Variants in ELP1 observed in about 807,000 individuals in gnomAD.
The protein encoded by ELP1 is elongator acetyltransferase complex subunit 1.
Under a neutral mutation model 183.2 loss-of-function variants are expected in ELP1, and 131 were observed. That is an observed-to-expected ratio of 0.72 (90% CI 0.62 to 0.83). The LOEUF (loss-of-function observed/expected upper bound fraction) is 0.83, where lower values mean the gene tolerates loss of function less well. Ranked by LOEUF, ELP1 falls within the 40% of genes least tolerant of loss-of-function variation. The pLI is 0.00. For synonymous variants in ELP1, 555 were observed against 569.0 expected (o/e 0.98, Z 0.35); for missense variants, 1,550 against 1,594.9 (o/e 0.97, Z 0.48).
intron 8 of ELP1, 43 bp downstream of exon 8, chr9:108,918,768 C>T (rs1254710562): frequency 1.4e-6 from 2 of 1,389,770 alleles, no homozygotes; most frequent in African/African-American, 1.4e-5. Flanking sequence ...ACCACCTCTA[C>T]TCTGGTTCCA....
intron 18 of ELP1, 99 bp from the exon 19 acceptor site, chr9:108,900,474 C>T: frequency 1.2e-6 from 1 of 859,550 alleles, no homozygotes; most frequent in Non-Finnish European, 2.0e-6. Flanking sequence ...TAGAAGAGAA[C>T]AAATAACAAC....
chr9:108,886,102 G>C (rs1262234529), intron 29 of ELP1, among the ~76,000 whole-genome samples: 2 of 152,172 alleles, frequency 1.3e-5, no homozygotes, highest in Admixed American at 1.3e-4. Context: ...GTCCTTGACT[G>C]CAACTCCCTT....
chr9:108,922,798 C>CAT lies in ELP1; in HGVS notation c.552+42_552+43dup, dbSNP rs3833703. On this transcript the variant is annotated intron_variant, in intron 6 of 36. Coordinates refer to ENST00000374647, the MANE Select transcript of ELP1 (RefSeq NM_003640.5). ...GAGTTCCTGGTGGGTGGCAAACTTA[C>CAT]ATTTGTTCCAGTCAAGGCTTTTTAT... 129,011 of 1,465,434 alleles carry CAT rather than the reference C, an allele frequency of 0.088. 7,502 individuals carry two copies. Among genetic ancestry groups the CAT allele is most frequent in the African/African-American group, 0.24 (17,023 of 71,364 alleles). 90.8% of individuals were successfully genotyped at this position (1,465,434 alleles called of 1,614,324 possible).
intron 13 of ELP1, among the ~76,000 whole-genome samples, chr9:108,906,846 TC>T (rs1486312126): frequency 6.6e-6 from 1 of 152,206 alleles, no homozygotes; most frequent in Admixed American, 6.5e-5. Flanking sequence ...GGCAGGTATG[TC>T]ACTTGCAGTA....
chr9:108,903,233 C>A (rs1828879278), intron 15 of ELP1, among the ~76,000 whole-genome samples: 1 of 152,084 alleles, frequency 6.6e-6, no homozygotes, highest in Non-Finnish European at 1.5e-5. Context: ...CACCCTCCCC[C>A]ACCCCACGAC....
chr9:108,900,030 G>T, intron 19 of ELP1, 135 bp from the exon 20 acceptor site: 2 of 862,490 alleles, frequency 2.3e-6, no homozygotes, highest in Non-Finnish European at 3.8e-6. Context: ...GCAGAATCTT[G>T]TTGTTCTCTA....
intron 31 of ELP1, 95 bp from the exon 32 acceptor site, chr9:108,880,260 C>T: frequency 1.2e-6 from 1 of 814,068 alleles, no homozygotes; most frequent in Non-Finnish European, 2.1e-6. Flanking sequence ...TAAAATTCAG[C>T]AAAAAGAAAG....
intron 25 of ELP1, among the ~76,000 whole-genome samples, chr9:108,895,879 C>T (rs866835195): frequency 2.6e-4 from 39 of 152,168 alleles, no homozygotes; most frequent in African/African-American, 9.2e-4. Flanking sequence ...GAGAAAGAAC[C>T]GGAGTGGAAC....
At position 108,911,064 on chromosome 9, in the gene ELP1, T is replaced by C. The variant is rs748415692; in HGVS notation, c.1306A>G (p.Ser436Gly). The change falls in exon 12 of 37, where the codon AGT (serine) becomes GGT (glycine). Residue 436 changes from serine (S) to glycine (G), a missense_variant. Physicochemically the swap from Ser to Gly is moderately conservative, Grantham distance 56. Transcript: ENST00000374647. ...QVTFLAHPQK[S>G]NDLAVLDASN... ...GCATCTAGAACAGCAAGGTCATTAC[T>C]CTTTTGAGGGTGTGCTAAGAATGTG... is the stretch of plus-strand genomic sequence containing the variant. The C allele has an allele frequency of 6.2e-7, 1 of 1,614,174 alleles. No homozygotes were observed. Among genetic ancestry groups the C allele is most frequent in the Non-Finnish European group, 8.5e-7 (1 of 1,180,018 alleles).
intron 8 of ELP1, 139 bp downstream of exon 8, chr9:108,918,672 T>G: frequency 1.5e-6 from 1 of 688,824 alleles, no homozygotes; most frequent in East Asian, 2.6e-5. Context: ...GAAACAAAGA[T>G]AGATACAGCC....
intron 5 of ELP1, among the ~76,000 whole-genome samples, chr9:108,925,463 T>A (rs994189795): frequency 6.6e-6 from 1 of 152,054 alleles, no homozygotes; most frequent in African/African-American, 2.4e-5. Context: ...CCCACCCTTA[T>A]CCCTCACCTA....
chr9:108,916,847 G>A (rs756777837), intron 9 of ELP1, among the ~76,000 whole-genome samples: 1 of 152,098 alleles, frequency 6.6e-6, no homozygotes, highest in East Asian at 1.9e-4. Flanking sequence ...CTCAACTTAG[G>A]ATGTTTAAAA....
chr9:108,876,731 CTTT>C (rs35897844), intron 35 of ELP1, among the ~76,000 whole-genome samples: 11 of 138,392 alleles, frequency 7.9e-5, no homozygotes, highest in East Asian at 2.1e-4. Flanking sequence ...GATTGGCTGG[CTTT>C]TTTTTTTTTT....
intron 31 of ELP1, 151 bp downstream of exon 31, chr9:108,881,554 G>A (rs56391352): frequency 1.6e-5 from 10 of 622,394 alleles, no homozygotes; most frequent in Admixed American, 2.7e-5. Context: ...AAAAATTCTA[G>A]TGAGAATTAA....
At chr9:108,926,455 T>C (rs1002449611) in intron 5 of ELP1, 68 bp downstream of exon 5, 18 of 1,213,334 alleles carry the variant, frequency 1.5e-5, no homozygotes, top group Non-Finnish European at 2.1e-5. Flanking sequence ...TGGCTATTAG[T>C]GCACAAGGAA....
rs1306503405 is a variant in ELP1 at position 108,930,989 on chromosome 9, T to G, written c.150+8A>C. 10 of 1,614,068 alleles carry G rather than the reference T, an allele frequency of 6.2e-6. No individual in the cohort carries two copies. The highest frequency in any genetic ancestry group is 8.5e-6 in the Non-Finnish European group (10 of 1,179,936). On this transcript the variant is annotated splice_region_variant and intron_variant, in intron 2 of 36. Coordinates refer to ENST00000374647, the MANE Select transcript of ELP1 (RefSeq NM_003640.5). ...CCCACATGCTGGCATTCTACATCAG[T>G]AACTTACTTCTCTTGAGACAGGGTC...
At chr9:108,928,155 T>C (rs114241375) in intron 3 of ELP1, among the ~76,000 whole-genome samples, 2,807 of 152,284 alleles carry the variant, frequency 0.018, 97 homozygotes, top group African/African-American at 0.063. Flanking sequence ...TAAATATATG[T>C]ACCTACTATG....
intron 27 of ELP1, among the ~76,000 whole-genome samples, chr9:108,892,574 TG>T (rs1828382779): frequency 6.6e-6 from 1 of 152,196 alleles, no homozygotes; most frequent in Non-Finnish European, 1.5e-5. Flanking sequence ...CAGCACCCTA[TG>T]AGGCTGTTAA....
At chr9:108,913,967 C>T (rs1315073831) in intron 10 of ELP1, among the ~76,000 whole-genome samples, 1 of 152,162 alleles carries the variant, frequency 6.6e-6, no homozygotes, top group Non-Finnish European at 1.5e-5. Flanking sequence ...TAATTAAATA[C>T]TTACGTATAA....
Sources: gnomAD v4.1 joint callset for allele counts (sites outside exome capture counted in the v4.1 genomes callset) on GRCh38, gnomAD v4.1.1 for gene constraint, MANE v1.5 for transcripts, NCBI Gene and HGNC (gene_info 2026-07-23, HGNC 2026-07-21) for gene names.